The following CYYR1 variants were observed in gnomAD, a reference collection of about 807,000 sequenced individuals.
The protein encoded by CYYR1 is cysteine and tyrosine-rich protein 1.
CYYR1 carries 14 observed loss-of-function variants against 15.2 expected under a neutral mutation model. The ratio of observed to expected loss-of-function variants is 0.92; its 90% confidence interval spans 0.61 to 1.44. CYYR1 has a LOEUF of 1.44. Ranked by LOEUF, CYYR1 falls within the 40% of genes most tolerant of loss-of-function variation. The pLI, the probability that CYYR1 is intolerant of heterozygous loss-of-function variation, is 0.00. For synonymous variants in CYYR1, 80 were observed against 77.4 expected, an observed-to-expected ratio of 1.03 and a Z score of -0.18; for missense variants, 228 against 209.5, an observed-to-expected ratio of 1.09 and a Z score of -0.54.
rs1477876825 is a variant in CYYR1 at position 26,466,740 on chromosome 21, A to G, written c.*1761T>C. On this transcript the variant is annotated 3_prime_UTR_variant, in exon 4 of 4. Transcript: ENST00000652641. ...TGGGTCTGACCACACGCAGAAGAAAAATAAATTAAAGCATATGTACTATTA... is the reference window on the plus strand; with the variant it reads ...TGGGTCTGACCACACGCAGAAGAAAGATAAATTAAAGCATATGTACTATTA... 6.6e-6 allele frequency: 1 copy of G among 152,186 alleles called. No individual in the cohort carries two copies. Among genetic ancestry groups the G allele is most frequent in the Non-Finnish European group, 1.5e-5 (1 of 68,042 alleles). The allele number at this position is 152,186 out of a possible 1,614,324, so 9.4% of individuals were successfully genotyped here.
At chr21:26,557,488 T>C (rs55781601) in intron 2 of CYYR1, among the ~76,000 whole-genome samples, 5,881 of 152,204 alleles carry the variant, frequency 0.039, 174 homozygotes, top group Non-Finnish European at 0.056. Flanking sequence ...AATAAAGGCA[T>C]TGATTGTCCC....
chr21:26,492,981 A>G (rs940012965), intron 2 of CYYR1, among the ~76,000 whole-genome samples: 1 of 152,036 alleles, frequency 6.6e-6, no homozygotes, highest in Non-Finnish European at 1.5e-5. Flanking sequence ...GGTTGTGTGT[A>G]TATGTGTGTG....
intron 3 of CYYR1, chr21:26,471,191 T>C (rs1345492813): frequency 6.6e-6 from 1 of 152,170 alleles, no homozygotes; most frequent in Non-Finnish European, 1.5e-5. Flanking sequence ...AAGCCAAGAA[T>C]GAAACACGGC....
At chr21:26,545,465 C>A (rs1039223830) in intron 2 of CYYR1, among the ~76,000 whole-genome samples, 1 of 151,574 alleles carries the variant, frequency 6.6e-6, no homozygotes, top group Non-Finnish European at 1.5e-5. Context: ...AATAAGCAAC[C>A]TGAAAGTTTA....
At chr21:26,567,648 T>G (rs539645052) in intron 1 of CYYR1, among the ~76,000 whole-genome samples, 1 of 152,206 alleles carries the variant, frequency 6.6e-6, no homozygotes, top group East Asian at 1.9e-4. Context: ...ATAATCCATT[T>G]CCAGCTCAAT....
intron 2 of CYYR1, among the ~76,000 whole-genome samples, chr21:26,509,492 G>A (rs1601770913): frequency 6.6e-6 from 1 of 152,080 alleles, no homozygotes; most frequent in East Asian, 1.9e-4. Flanking sequence ...AGATAATAAT[G>A]GTATAATGCT....
Position 26,533,903 on chromosome 21 carries a change from G to A in CYYR1, c.176+32363C>T, listed in dbSNP as rs537849667. Among the ~76,000 whole-genome samples, 7 of 152,232 alleles carry A rather than the reference G, an allele frequency of 4.6e-5. No individual in the cohort carries two copies. The East Asian group carries it at 1.4e-3, about 29-fold the overall frequency. ...TTCTTTCATGGCAGAAGACCTACAA[G>A]CTTTTGTTAGGAATTGAGGACACAG... is the stretch of plus-strand genomic sequence containing the variant. On this transcript the variant is annotated intron_variant, in intron 2 of 3. Transcript: ENST00000652641.
intron 2 of CYYR1, among the ~76,000 whole-genome samples, chr21:26,556,664 G>A (rs971627569): frequency 6.6e-6 from 1 of 152,000 alleles, no homozygotes; most frequent in East Asian, 1.9e-4. Context: ...AAGGGGAAGG[G>A]CTACACACTT....
chr21:26,564,848 GA>G lies in CYYR1; in HGVS notation c.176+1417del, dbSNP rs761229494. 449 of 1,144,506 alleles carry G rather than the reference GA, an allele frequency of 3.9e-4. 1 individual carries two copies. Among genetic ancestry groups the G allele is most frequent in the South Asian group, 2.0e-3 (105 of 53,192 alleles). The allele number at this position is 1,144,506 out of a possible 1,614,324, so 70.9% of individuals were successfully genotyped here. Reference sequence around the variant, plus strand: ...CATCTGGTATGTGGAGACAGTTTGAGAAAAAAAAAATTTAAATTTATTAATA... The same window carrying G: ...CATCTGGTATGTGGAGACAGTTTGAGAAAAAAAAATTTAAATTTATTAATA... On this transcript the variant is annotated intron_variant, in intron 2 of 3. Transcript: ENST00000652641.
At chr21:26,475,623 C>T (rs2065092397) in intron 3 of CYYR1, among the ~76,000 whole-genome samples, 2 of 152,110 alleles carry the variant, frequency 1.3e-5, no homozygotes, top group African/African-American at 4.8e-5. Flanking sequence ...AACAACAAAA[C>T]CTCTTGACTT....
rs1225974502 is a variant in CYYR1 at position 26,483,372 on chromosome 21, T to TTTTC, written c.177-2947_177-2944dup. 3.3e-5 allele frequency: 26 copies of TTTTC among 786,516 alleles called. No homozygotes were observed. The Admixed American group carries it at 5.7e-4, about 17-fold the overall frequency. The allele number at this position is 786,516 out of a possible 1,614,324, so 48.7% of individuals were successfully genotyped here. A position where few individuals can be genotyped will look rare whatever the true frequency, so the allele number is the denominator to read the frequency against. ...ATTTTGATCTCATTCATATTTGATG[T>TTTTC]TTTCTTCAAATGTCTGGTGATCCTT... is the stretch of plus-strand genomic sequence containing the variant. On this transcript the variant is annotated intron_variant, in intron 2 of 3. Coordinates refer to ENST00000652641, the MANE Select transcript of CYYR1 (RefSeq NM_001320768.2).
rs1360087291 is a variant in CYYR1 at position 26,573,212 on chromosome 21, C to T, written c.-272G>A. On this transcript the variant is annotated 5_prime_UTR_variant, in exon 1 of 4. Coordinates refer to ENST00000652641, the MANE Select transcript of CYYR1 (RefSeq NM_001320768.2). ...TTTGTCTCGCCCCACTGCGCTCAGG[C>T]GCGGGGAAGGCGGCCACTCCGGCGT... 1 of 1,431,168 alleles carries T rather than the reference C, an allele frequency of 7.0e-7. No homozygotes were observed. The allele number at this position is 1,431,168 out of a possible 1,614,324, so 88.7% of individuals were successfully genotyped here.
intron 2 of CYYR1, among the ~76,000 whole-genome samples, chr21:26,558,413 T>C (rs557852973): frequency 6.6e-6 from 1 of 152,150 alleles, no homozygotes; most frequent in Admixed American, 6.5e-5. Flanking sequence ...TCAAATTCCT[T>C]GGCTCAGGCA....
At chr21:26,551,239 G>A (rs1033017623) in intron 2 of CYYR1, 1 of 152,608 alleles carries the variant, frequency 6.6e-6, no homozygotes, top group Non-Finnish European at 1.5e-5. Context: ...CAATGGACCT[G>A]GTCACCCAAG....
rs142499061 is a variant in CYYR1 at position 26,542,163 on chromosome 21, A to G, written c.176+24103T>C. ...AAAATCAAGTAGATGCCCTCTGAAT[A>G]CAGAAACTCCCTTAAGGGCTGGGAA... On this transcript the variant is annotated intron_variant, in intron 2 of 3. Coordinates refer to ENST00000652641, the MANE Select transcript of CYYR1 (RefSeq NM_001320768.2). Among the ~76,000 whole-genome samples, 1,206 of 151,032 alleles carry G rather than the reference A, an allele frequency of 8.0e-3. 7 individuals are homozygous for G. The highest frequency in any genetic ancestry group is 0.012 in the Non-Finnish European group (826 of 67,730).
At chr21:26,475,796 T>C (rs2065095394) in intron 3 of CYYR1, among the ~76,000 whole-genome samples, 1 of 152,196 alleles carries the variant, frequency 6.6e-6, no homozygotes, top group Non-Finnish European at 1.5e-5. Context: ...TTCTCTGATT[T>C]GTACTAAAAA....
At chr21:26,569,958 G>T (rs1407378392) in intron 1 of CYYR1, among the ~76,000 whole-genome samples, 1 of 152,152 alleles carries the variant, frequency 6.6e-6, no homozygotes, top group Non-Finnish European at 1.5e-5. Context: ...CAGTGCTCTT[G>T]TCTACTTCCC....
At chr21:26,520,419 T>G (rs890053931) in intron 2 of CYYR1, among the ~76,000 whole-genome samples, 1 of 152,026 alleles carries the variant, frequency 6.6e-6, no homozygotes, top group African/African-American at 2.4e-5. Flanking sequence ...TCATTCCTTT[T>G]TATGGCTGCA....
intron 2 of CYYR1, among the ~76,000 whole-genome samples, chr21:26,561,428 C>A (rs1049674286): frequency 3.3e-5 from 5 of 152,012 alleles, no homozygotes; most frequent in African/African-American, 4.8e-5. Context: ...ATCATAGGAC[C>A]TCAAATGCCA....
Sources: gnomAD v4.1 joint callset for allele counts (sites outside exome capture counted in the v4.1 genomes callset) on GRCh38, gnomAD v4.1.1 for gene constraint, MANE v1.5 for transcripts, NCBI Gene and HGNC (gene_info 2026-07-23, HGNC 2026-07-21) for gene names.